Variants in ELF2 observed in about 807,000 individuals in gnomAD.
ELF2 encodes E74 like ETS transcription factor 2.
In ELF2, 11 loss-of-function variants were observed where a neutral mutation model predicts 54.8. The ratio of observed to expected loss-of-function variants is 0.20; its 90% CI spans 0.13 to 0.33. The LOEUF (loss-of-function observed/expected upper bound fraction) is 0.33, where lower values mean the gene tolerates loss of function less well. ELF2 is among the 10% of genes least tolerant of loss of function. The pLI, the probability that ELF2 is intolerant of heterozygous loss-of-function variation, is 1.00. For missense variants in ELF2, 513 were observed against 703.0 expected, an observed-to-expected ratio of 0.73 and a Z score of 3.06; for synonymous variants, 203 against 245.1, an observed-to-expected ratio of 0.83 and a Z score of 1.61.
rs369907637 is a variant in ELF2, at chr4:139,175,281, A to T, written c.-252+1686T>A. Among the ~76,000 whole-genome samples the T allele has an allele frequency of 1.1e-4, 16 of 152,322 alleles. No homozygotes were observed. The East Asian group carries it at 2.7e-3, about 26-fold the overall frequency. On this transcript the variant is annotated intron_variant, in intron 1 of 9. Transcript: ENST00000686138. Reference sequence around the variant, plus strand: ...ATTCTTTCCAACCATACTCAAGCTGACTATTTTGTAAATGAGTATTTATGT... The same window carrying T: ...ATTCTTTCCAACCATACTCAAGCTGTCTATTTTGTAAATGAGTATTTATGT...
rs139259685 is a variant in ELF2 at position 139,069,972 on chromosome 4, C to G, written c.526+1894G>C. Among the ~76,000 whole-genome samples, 648 of 151,926 alleles carry G rather than the reference C, an allele frequency of 4.3e-3. 23 individuals are homozygous for G. The highest frequency in any genetic ancestry group is 0.035 in the Admixed American group (529 of 15,248). On this transcript the variant is annotated intron_variant, in intron 6 of 9. Transcript: ENST00000686138. ...CCTCCTGCCTCAGCCTCCCGAGTAGCTAGGACTACAGGCATGTGCCACCAT... is the reference window on the plus strand; with the variant it reads ...CCTCCTGCCTCAGCCTCCCGAGTAGGTAGGACTACAGGCATGTGCCACCAT...
At chr4:139,159,257 C>T (rs1263184380) in intron 1 of ELF2, among the ~76,000 whole-genome samples, 2 of 152,184 alleles carry the variant, frequency 1.3e-5, no homozygotes, top group Admixed American at 1.3e-4. Flanking sequence ...AGTAGAATAG[C>T]AGATGGAACA....
chr4:139,083,281 T>C (rs937864352), intron 4 of ELF2, among the ~76,000 whole-genome samples: 8 of 152,152 alleles, frequency 5.3e-5, no homozygotes, highest in Non-Finnish European at 7.3e-5. Context: ...ACCCACTGTT[T>C]ACAAAAATAA....
intron 1 of ELF2, among the ~76,000 whole-genome samples, chr4:139,142,293 G>A (rs549126460): frequency 1.3e-5 from 2 of 152,244 alleles, no homozygotes; most frequent in African/African-American, 4.8e-5. Context: ...CCTGGCACAA[G>A]AGCCTTCTAG....
chr4:139,087,055 G>A (rs924554562), intron 4 of ELF2, among the ~76,000 whole-genome samples: 13 of 152,118 alleles, frequency 8.5e-5, no homozygotes, highest in Non-Finnish European at 1.6e-4. Context: ...AAAATCTTCT[G>A]ACAAGGGTCC....
intron 1 of ELF2, among the ~76,000 whole-genome samples, chr4:139,146,106 T>A (rs561170147): frequency 7.2e-5 from 11 of 152,220 alleles, no homozygotes; most frequent in Non-Finnish European, 1.5e-4. Context: ...GCTGATGATA[T>A]GATCGTATAC....
chr4:139,153,550 C>T lies in ELF2; in HGVS notation c.-251-14053G>A, dbSNP rs538490764. Among the ~76,000 whole-genome samples, 17 of 152,226 alleles carry T rather than the reference C, an allele frequency of 1.1e-4. 1 individual carries two copies. In the East Asian group the frequency reaches 2.9e-3, roughly 26 times the overall value. ...TTAGAAACTGAGTCACGCAAAACTG[C>T]CTCCCACTTTGTTCCTAAATAGATA... On this transcript the variant is annotated intron_variant, in intron 1 of 9. Coordinates refer to ENST00000686138, the MANE Select transcript of ELF2 (RefSeq NM_001331036.3).
intron 1 of ELF2, among the ~76,000 whole-genome samples, chr4:139,165,069 TTTG>T (rs1297031248): frequency 6.6e-6 from 1 of 152,238 alleles, no homozygotes; most frequent in Non-Finnish European, 1.5e-5. Flanking sequence ...TCTTTGCCTT[TTTG>T]TTAACTGGCC....
At chr4:139,076,921 ATACT>A (rs1730390887) in intron 4 of ELF2, among the ~76,000 whole-genome samples, 1 of 152,208 alleles carries the variant, frequency 6.6e-6, no homozygotes, top group South Asian at 2.1e-4. Flanking sequence ...AGTAAAATAC[ATACT>A]TAGAAAATTT....
intron 4 of ELF2, among the ~76,000 whole-genome samples, chr4:139,113,797 G>C (rs576181954): frequency 3.3e-5 from 5 of 151,472 alleles, no homozygotes; most frequent in Admixed American, 6.6e-5. Flanking sequence ...AGAGGTTGCA[G>C]TGAGCCAAGA....
At chr4:139,144,485 G>A (rs1225697757) in intron 1 of ELF2, among the ~76,000 whole-genome samples, 1 of 152,174 alleles carries the variant, frequency 6.6e-6, no homozygotes, top group Non-Finnish European at 1.5e-5. Flanking sequence ...TCTCAAGTGG[G>A]GATGAACTGC....
At chr4:139,067,661 C>A (rs777618618) in intron 7 of ELF2, 23 bp downstream of exon 7, 1 of 1,610,228 alleles carries the variant, frequency 6.2e-7, no homozygotes, top group South Asian at 1.1e-5. Flanking sequence ...ATCTCACTTC[C>A]AAAGCAACCC....
intron 3 of ELF2, among the ~76,000 whole-genome samples, chr4:139,132,155 A>G (rs1737553364): frequency 6.6e-6 from 1 of 152,244 alleles, no homozygotes; most frequent in Non-Finnish European, 1.5e-5. Context: ...ATTAAGAAAT[A>G]TCAAAATACT....
chr4:139,109,126 T>C (rs1202693346), intron 4 of ELF2, among the ~76,000 whole-genome samples: 2 of 152,132 alleles, frequency 1.3e-5, no homozygotes, highest in Non-Finnish European at 2.9e-5. Flanking sequence ...TAAATCTAAC[T>C]TTATTTTTTT....
rs374553414 is a variant in ELF2, at chr4:139,059,652, T to G, written c.1158-45A>C. On this transcript the variant is annotated intron_variant, in intron 9 of 9. Coordinates refer to ENST00000686138, the MANE Select transcript of ELF2 (RefSeq NM_001331036.3). ...AAAGCTGATTATATTTAATGCCAAC[T>G]GAGAAAATAGGTCTCCTGAGTAAAA... 6 of 1,565,290 alleles carry G rather than the reference T, an allele frequency of 3.8e-6. No individual in the cohort carries two copies. In the African/African-American group the frequency reaches 8.2e-5, roughly 21 times the overall value.
At chr4:139,097,616 C>CAA (rs1261659857) in intron 4 of ELF2, among the ~76,000 whole-genome samples, 2 of 74,188 alleles carry the variant, frequency 2.7e-5, no homozygotes, top group South Asian at 8.1e-4. Context: ...GACTCTGTCT[C>CAA]AAAAAAAAAA....
chr4:139,060,436 A>G lies in ELF2; in HGVS notation c.1045T>C (p.Ser349Pro). 1 of 1,614,162 alleles carries G rather than the reference A, an allele frequency of 6.2e-7. No homozygotes were observed. Among genetic ancestry groups the G allele is most frequent in the Non-Finnish European group, 8.5e-7 (1 of 1,180,032 alleles). Residue 349 changes from serine (S) to proline (P), a missense_variant, in exon 9 of 10, where the codon TCC becomes CCC. Transcript: ENST00000686138. Reference sequence around the variant, plus strand: ...CTAGCTACACCCTTCTCTGCTCTGGAGCAGTTTATAGGGGATGAATTTTTT... The same window carrying G: ...CTAGCTACACCCTTCTCTGCTCTGGGGCAGTTTATAGGGGATGAATTTTTT... ...SGKNSSPINC[S>P]RAEKGVARVV...
chr4:139,066,850 C>A (rs1728785578), intron 7 of ELF2: 1 of 151,982 alleles, frequency 6.6e-6, no homozygotes, highest in African/African-American at 2.4e-5. Context: ...GCATTCTAGC[C>A]CTGTCTGTAA....
At chr4:139,079,677 C>T (rs1423156444) in intron 4 of ELF2, among the ~76,000 whole-genome samples, 1 of 152,126 alleles carries the variant, frequency 6.6e-6, no homozygotes, top group Admixed American at 6.5e-5. Flanking sequence ...TTTGGGAGGC[C>T]AAGGCAGGTG....
Sources: allele counts gnomAD v4.1 joint callset (sites outside exome capture counted in the v4.1 genomes callset), GRCh38; gene constraint gnomAD v4.1.1; transcripts MANE v1.5; gene names NCBI Gene and HGNC (gene_info 2026-07-23, HGNC 2026-07-21).